The following PSAPL1 variants were observed in gnomAD, a reference collection of about 807,000 sequenced individuals.
PSAPL1 encodes the protein prosaposin like 1.
For missense variants in PSAPL1, 814 were observed against 688.8 expected (o/e 1.18, Z -2.03); for synonymous variants, 351 against 291.6 (o/e 1.20, Z -2.08).
rs553845288 is a variant in PSAPL1 at position 7,433,626 on chromosome 4, G to A, written c.1254C>T (p.Asp418=). The A allele has an allele frequency of 1.1e-5, 17 of 1,611,104 alleles. No individual in the cohort carries two copies. The South Asian group carries it at 1.7e-4, about 16-fold the overall frequency. The change falls in exon 1 of 1, where the codon GAC becomes GAT. Residue 418 remains aspartate (D), a synonymous_variant. Transcript: ENST00000319098. ...AGCCACCCTTGAAGGCCACCAGGAT[G>A]TCTCGCTTGGTGCTCTTGCTCTCCA... ...HNLESKSTKR[D]ILVAFKGGCS... is the part of the protein sequence containing the mutation.
chr4:7,434,406 G>A lies in PSAPL1; in HGVS notation c.474C>T (p.Thr158=), dbSNP rs756174829. 1.2e-6 allele frequency: 2 copies of A among 1,608,244 alleles called. No individual in the cohort carries two copies. Among genetic ancestry groups the A allele is most frequent in the Admixed American group, 3.4e-5 (2 of 59,232 alleles). The part of the protein sequence containing the change: ...ATLRPLSKED[T]FEAVAPFMAN... ...CCATGAACGGAGCCACAGCCTCAAAGGTGTCCTCTTTGGAGAGTGGCCTCA... is the reference window on the plus strand; with the variant it reads ...CCATGAACGGAGCCACAGCCTCAAAAGTGTCCTCTTTGGAGAGTGGCCTCA... Residue 158 remains threonine (T), a synonymous_variant, in exon 1 of 1, where the codon ACC becomes ACT. Transcript: ENST00000319098.
In PSAPL1 at chr4:7,433,527, C is replaced by G; in HGVS notation, c.1353G>C (p.Glu451Asp). Residue 451 changes from glutamate (E) to aspartate (D), a missense_variant, in exon 1 of 1, where the codon GAG becomes GAC. Coordinates refer to ENST00000319098, the MANE Select transcript of PSAPL1 (RefSeq NM_001085382.2). ...FVTQYEPVLI[E>D]SLKDMMDPVA... is the part of the protein sequence containing the mutation. ...CGGGGTCCATCATGTCCTTGAGACTCTCAATGAGCACGGGCTCGTACTGGG... is the reference window on the plus strand; with the variant it reads ...CGGGGTCCATCATGTCCTTGAGACTGTCAATGAGCACGGGCTCGTACTGGG... The G allele has an allele frequency of 5.0e-6, 8 of 1,609,182 alleles. No homozygotes were observed. The highest frequency in any genetic ancestry group is 5.9e-6 in the Non-Finnish European group (7 of 1,178,310).
Position 7,433,460 on chromosome 4 carries a change from T to G in PSAPL1, c.1420A>C (p.Thr474Pro), listed in dbSNP as rs1167850925. 3 of 1,564,344 alleles carry G rather than the reference T, an allele frequency of 1.9e-6. No homozygotes were observed. The highest frequency in any genetic ancestry group is 2.6e-6 in the Non-Finnish European group (3 of 1,156,080). ...KKVGACHGPR[T>P]PLLGTDQCAL... ...CACTGGTCGGTGCCCAGCAGTGGGGTCCTGGGGCCGTGGCAGGCCCCCACC... is the reference window on the plus strand; with the variant it reads ...CACTGGTCGGTGCCCAGCAGTGGGGGCCTGGGGCCGTGGCAGGCCCCCACC... The change falls in exon 1 of 1, where the codon ACC becomes CCC. Residue 474 changes from threonine to proline, a missense_variant. Transcript: ENST00000319098.
chr4:7,434,587 A>G lies in PSAPL1; in HGVS notation c.293T>C (p.Leu98Pro). ...TCCGGCTGAAGACTCCTGGCTGGGG[A>G]GCCACTCACAGGTCTTCATCACCAA... ...LALVMKTCEW[L>P]PSQESSAGCK... The change falls in exon 1 of 1, where the codon CTC becomes CCC. Residue 98 changes from leucine (L) to proline (P), a missense_variant. Physicochemically the swap from Leu to Pro is moderately conservative, Grantham distance 98. Transcript: ENST00000319098. 6.2e-7 allele frequency: 1 copy of G among 1,613,364 alleles called. No homozygotes were observed. The highest frequency in any genetic ancestry group is 2.2e-5 in the East Asian group (1 of 44,856).
chr4:7,433,658 G>A lies in PSAPL1; in HGVS notation c.1222C>T (p.His408Tyr), dbSNP rs1342950413. Residue 408 changes from histidine (H) to tyrosine (Y), a missense_variant, in exon 1 of 1, where the codon CAC becomes TAC. By Grantham distance (83) the His-to-Tyr change is moderately conservative (BLOSUM62 2). Transcript: ENST00000319098. ...GCKRLLTVSSHNLESKSTKRD... is the reference protein window; with the variant it reads ...GCKRLLTVSSYNLESKSTKRD... ...TTGGTGCTCTTGCTCTCCAAGTTGT[G>A]GGAGGACACCGTGAGCAGCCTCTTG... 2 of 1,609,682 alleles carry A rather than the reference G, an allele frequency of 1.2e-6. No individual in the cohort carries two copies. Among genetic ancestry groups the A allele is most frequent in the Non-Finnish European group, 1.7e-6 (2 of 1,177,318 alleles).
rs746798522 is a variant in PSAPL1 at position 7,434,265 on chromosome 4, G to A, written c.615C>T (p.Ala205=). 1.5e-5 allele frequency: 24 copies of A among 1,613,192 alleles called. No individual in the cohort carries two copies. Among genetic ancestry groups the A allele is most frequent in the Admixed American group, 1.3e-4 (8 of 59,978 alleles). ...CACACTGCTCCTGGATGTTCAAGTC[G>A]GCCAAGGTCAAGTTGGACCGGACAG... ...QEAVRSNLTL[A]DLNIQEQCES... is the part of the protein sequence containing the mutation. The change falls in exon 1 of 1, where the codon GCC becomes GCT. Residue 205 remains alanine (A), a synonymous_variant. Coordinates refer to ENST00000319098, the MANE Select transcript of PSAPL1 (RefSeq NM_001085382.2).
chr4:7,430,462 G>A lies in PSAPL1; in HGVS notation c.*2852C>T, dbSNP rs6822277. On this transcript the variant is annotated 3_prime_UTR_variant, in exon 1 of 1. Transcript: ENST00000319098. ...AGGCTCCCACAGCCCCTCTGCATCT[G>A]GTGTGGCCGAGAAAGCCCGAGGGGC... 0.67 allele frequency: 102,008 copies of A among 151,984 alleles called. 34,537 individuals are homozygous for A. Among genetic ancestry groups the A allele is most frequent in the African/African-American group, 0.76 (31,365 of 41,452 alleles). The allele number at this position is 151,984 out of a possible 1,614,324, so 9.4% of individuals were successfully genotyped here. A position where few individuals can be genotyped will look rare whatever the true frequency, so the allele number is the denominator to read the frequency against.
rs560160670 is a variant in PSAPL1 at position 7,434,028 on chromosome 4, G to T, written c.852C>A (p.Ser284Arg). 2 of 1,611,550 alleles carry T rather than the reference G, an allele frequency of 1.2e-6. No individual in the cohort carries two copies. The highest frequency in any genetic ancestry group is 1.7e-5 in the Admixed American group (1 of 59,956). ...TCACACCGGCCTTCATCTGCATCTCGCTCTGTTTCCTTGGCAACCCCAGCT... is the reference window on the plus strand; with the variant it reads ...TCACACCGGCCTTCATCTGCATCTCTCTCTGTTTCCTTGGCAACCCCAGCT... ...SLELGLPRKQSEMQMKAGVTC... is the reference protein window; with the variant it reads ...SLELGLPRKQREMQMKAGVTC... The change falls in exon 1 of 1, where the codon AGC (serine) becomes AGA (arginine). Residue 284 changes from serine (S) to arginine (R), a missense_variant. Coordinates refer to ENST00000319098, the MANE Select transcript of PSAPL1 (RefSeq NM_001085382.2).
At position 7,431,221 on chromosome 4, in the gene PSAPL1, G is replaced by A. The variant is rs956898987; in HGVS notation, c.*2093C>T. ...CATCTAGTGGAGACGCATGTGCTCA[G>A]TGGGTCTGTGGGAGCAGCTGGTACC... On this transcript the variant is annotated 3_prime_UTR_variant, in exon 1 of 1. Transcript: ENST00000319098. The A allele has an allele frequency of 6.6e-6, 1 of 152,324 alleles. No homozygotes were observed. Among genetic ancestry groups the A allele is most frequent in the Non-Finnish European group, 1.5e-5 (1 of 68,118 alleles). 9.4% of individuals were successfully genotyped at this position (152,324 alleles called of 1,614,324 possible).
chr4:7,434,872 C>T lies in PSAPL1; in HGVS notation c.8G>A (p.Cys3Tyr). 1.3e-6 allele frequency: 2 copies of T among 1,567,684 alleles called. No individual in the cohort carries two copies. The highest frequency in any genetic ancestry group is 1.7e-6 in the Non-Finnish European group (2 of 1,157,524). Residue 3 changes from cysteine (C) to tyrosine (Y), a missense_variant, in exon 1 of 1, where the codon TGT (cysteine) becomes TAT (tyrosine). Cys to Tyr is a radical substitution (Grantham distance 194). Coordinates refer to ENST00000319098, the MANE Select transcript of PSAPL1 (RefSeq NM_001085382.2). The part of the protein sequence containing the change: ML[C>Y]ALLLLPSLLG... Reference sequence around the variant, plus strand: ...GAGGCTGGGCAGGAGGAGCAGGGCACACAGCATGCTGCCCAGGGACTCTCT... The same window carrying T: ...GAGGCTGGGCAGGAGGAGCAGGGCATACAGCATGCTGCCCAGGGACTCTCT...
chr4:7,433,581 G>C lies in PSAPL1; in HGVS notation c.1299C>G (p.Pro433=). 1 of 1,611,680 alleles carries C rather than the reference G, an allele frequency of 6.2e-7. No homozygotes were observed. The change falls in exon 1 of 1, where the codon CCC becomes CCG. Residue 433 remains proline, a synonymous_variant. Coordinates refer to ENST00000319098, the MANE Select transcript of PSAPL1 (RefSeq NM_001085382.2). ...CGAAGTGCTTGCACTGGATCATATA[G>C]GGCAGCGGCAGGATGCTGCAGCCAC... The part of the protein sequence containing the change: ...FKGGCSILPL[P]YMIQCKHFVT...
rs1577550891 is a variant in PSAPL1, at chr4:7,431,648, C to G, written c.*1666G>C. The stretch of plus-strand genomic sequence containing the variant: ...TTGGAGTCTGGTGCAGAGCTGCCTT[C>G]CCATGGCCCATCCGGTGGCCAGGCA... On this transcript the variant is annotated 3_prime_UTR_variant, in exon 1 of 1. Transcript: ENST00000319098. 2.0e-5 allele frequency: 3 copies of G among 152,332 alleles called. No individual in the cohort carries two copies. Among genetic ancestry groups the G allele is most frequent in the East Asian group, 3.9e-4 (2 of 5,180 alleles). The allele number at this position is 152,332 out of a possible 1,614,324, so 9.4% of individuals were successfully genotyped here.
Position 7,433,953 on chromosome 4 carries a change from C to T in PSAPL1, c.927G>A (p.Met309Ile). 6.2e-7 allele frequency: 1 copy of T among 1,613,872 alleles called. No homozygotes were observed. The highest frequency in any genetic ancestry group is 1.3e-5 in the African/African-American group (1 of 75,054). Residue 309 changes from methionine to isoleucine, a missense_variant, in exon 1 of 1, where the codon ATG (methionine) becomes ATA (isoleucine). By Grantham distance (10) the Met-to-Ile change is conservative. Coordinates refer to ENST00000319098, the MANE Select transcript of PSAPL1 (RefSeq NM_001085382.2). ...TGATCATGAGCTCAGAGCTGTTGGA[C>T]ATGAGCCAGTGGTCCAGCTTCTGCA... ...NVVQKLDHWL[M>I]SNSSELMITH...
At position 7,434,232 on chromosome 4, in the gene PSAPL1, C is replaced by G. The variant is rs1275924452; in HGVS notation, c.648G>C (p.Leu216Phe). 1.9e-6 allele frequency: 3 copies of G among 1,613,602 alleles called. No individual in the cohort carries two copies. Among genetic ancestry groups the G allele is most frequent in the East Asian group, 2.2e-5 (1 of 44,884 alleles). ...TGCAGAGGACGGCCAGGCCAGGCCC[C>G]AAGGACTCACACTGCTCCTGGATGT... ...DLNIQEQCESLGPGLAVLCKN... is the reference protein window; with the variant it reads ...DLNIQEQCESFGPGLAVLCKN... Residue 216 changes from leucine to phenylalanine, a missense_variant, in exon 1 of 1, where the codon TTG becomes TTC. Coordinates refer to ENST00000319098, the MANE Select transcript of PSAPL1 (RefSeq NM_001085382.2).
rs541146358 is a variant in PSAPL1 at position 7,431,554 on chromosome 4, C to T, written c.*1760G>A. 3.3e-5 allele frequency: 5 copies of T among 152,356 alleles called. No individual in the cohort carries two copies. The highest frequency in any genetic ancestry group is 7.3e-5 in the Non-Finnish European group (5 of 68,196). 9.4% of individuals were successfully genotyped at this position (152,356 alleles called of 1,614,324 possible). On this transcript the variant is annotated 3_prime_UTR_variant, in exon 1 of 1. Transcript: ENST00000319098. ...CAGACAGAGAGCCTCTGGGGCTGCT[C>T]CTGGAGAGGGTGGGTGGTCTCAGGG... is the stretch of plus-strand genomic sequence containing the variant.
Position 7,434,493 on chromosome 4 carries a change from G to C in PSAPL1, c.387C>G (p.Ala129=). The C allele has an allele frequency of 6.2e-7, 1 of 1,612,108 alleles. No homozygotes were observed. The highest frequency in any genetic ancestry group is 1.3e-5 in the African/African-American group (1 of 75,054). ...TGAGCGCTGTGCACACCTGTGCCGG[G>C]GCACTGTCCGGGGCCCCACGGAGCA... The part of the protein sequence containing the change: ...LSMLRGAPDS[A]PAQVCTALSL... The change falls in exon 1 of 1, where the codon GCC becomes GCG. Residue 129 remains alanine, a synonymous_variant. Coordinates refer to ENST00000319098, the MANE Select transcript of PSAPL1 (RefSeq NM_001085382.2).
chr4:7,433,365 G>A lies in PSAPL1; in HGVS notation c.1515C>T (p.Cys505=). The change falls in exon 1 of 1, where the codon TGC becomes TGT. Residue 505 remains cysteine (C), a synonymous_variant. Coordinates refer to ENST00000319098, the MANE Select transcript of PSAPL1 (RefSeq NM_001085382.2). ...AAKLCNAVQH[C]QKHVWKEMHL... ...GCATCTCTTTCCATACATGCTTCTG[G>A]CAGTGTTGCACAGCGTTGCACAGCT... The A allele has an allele frequency of 6.9e-7, 1 of 1,451,378 alleles. No individual in the cohort carries two copies. The highest frequency in any genetic ancestry group is 9.1e-7 in the Non-Finnish European group (1 of 1,099,526). 89.9% of individuals were successfully genotyped at this position (1,451,378 alleles called of 1,614,324 possible). A position where few individuals can be genotyped will look rare whatever the true frequency, so the allele number is the denominator to read the frequency against.
In PSAPL1 at chr4:7,433,741, G is replaced by T; in HGVS notation, c.1139C>A (p.Ala380Asp). 5.6e-6 allele frequency: 9 copies of T among 1,613,282 alleles called. No individual in the cohort carries two copies. The highest frequency in any genetic ancestry group is 7.6e-6 in the Non-Finnish European group (9 of 1,179,814). Reference sequence around the variant, plus strand: ...GTCCCACTCTGGGGACGGCACGATGGCATAGGCATCATGGACTGCCCGGGC... The same window carrying T: ...GTCCCACTCTGGGGACGGCACGATGTCATAGGCATCATGGACTGCCCGGGC... ...RRARAVHDAY[A>D]IVPSPEWDAE... Residue 380 changes from alanine (A) to aspartate (D), a missense_variant, in exon 1 of 1, where the codon GCC (alanine) becomes GAC (aspartate). Coordinates refer to ENST00000319098, the MANE Select transcript of PSAPL1 (RefSeq NM_001085382.2).
chr4:7,433,378 G>A lies in PSAPL1; in HGVS notation c.1502C>T (p.Ala501Val). ...RSQEAAKLCN[A>V]VQHCQKHVWK... is the part of the protein sequence containing the mutation. ...TACATGCTTCTGGCAGTGTTGCACA[G>A]CGTTGCACAGCTTGGCGGCCTCCTG... The change falls in exon 1 of 1, where the codon GCT (alanine) becomes GTT (valine). Residue 501 changes from alanine (A) to valine (V), a missense_variant. Physicochemically the swap from Ala to Val is moderately conservative, Grantham distance 64. Coordinates refer to ENST00000319098, the MANE Select transcript of PSAPL1 (RefSeq NM_001085382.2). 1 of 1,485,714 alleles carries A rather than the reference G, an allele frequency of 6.7e-7. No homozygotes were observed. Among genetic ancestry groups the A allele is most frequent in the South Asian group, 1.4e-5 (1 of 70,480 alleles). The allele number at this position is 1,485,714 out of a possible 1,614,324, so 92.0% of individuals were successfully genotyped here.
Sources: allele counts gnomAD v4.1 joint callset, GRCh38; gene constraint gnomAD v4.1.1; transcripts MANE v1.5; gene names NCBI Gene and HGNC (gene_info 2026-07-23, HGNC 2026-07-21).